The following DDX59 variants were observed in gnomAD, a reference collection of about 807,000 sequenced individuals.
DDX59 encodes the protein DEAD-box helicase 59.
In DDX59, 30 loss-of-function variants were observed where a neutral mutation model predicts 51.9. The observed-to-expected ratio is 0.58, with a 90% CI of 0.43 to 0.78. The LOEUF is 0.78. DDX59 is among the 30% of genes least tolerant of loss of function. The pLI is 0.00. For synonymous variants in DDX59, 255 were observed against 253.3 expected, an observed-to-expected ratio of 1.01 and a Z score of -0.06; for missense variants, 672 against 730.8, an observed-to-expected ratio of 0.92 and a Z score of 0.93.
At chr1:200,669,067 T>C (rs531653311) in intron 1 of DDX59, among the ~76,000 whole-genome samples, 1 of 152,350 alleles carries the variant, frequency 6.6e-6, no homozygotes, top group African/African-American at 2.4e-5. Flanking sequence ...CCATGGTCAC[T>C]TGAATCTGGC....
chr1:200,664,976 T>G (rs1029175642), intron 2 of DDX59, among the ~76,000 whole-genome samples: 54 of 152,270 alleles, frequency 3.5e-4, no homozygotes, highest in African/African-American at 1.2e-3. Flanking sequence ...TGCCCCGCCT[T>G]CCCCACATTT....
chr1:200,648,987 T>G (rs903854058), intron 6 of DDX59, 87 bp downstream of exon 6: 2 of 1,334,932 alleles, frequency 1.5e-6, no homozygotes, highest in African/African-American at 1.5e-5. Flanking sequence ...GGATCTGTTA[T>G]AAAAACCAGC....
chr1:200,662,643 A>G (rs1662451262), intron 3 of DDX59, among the ~76,000 whole-genome samples: 1 of 152,196 alleles, frequency 6.6e-6, no homozygotes, highest in East Asian at 1.9e-4. Context: ...GCAACTAGAG[A>G]CTAACACCAA....
intron 5 of DDX59, among the ~76,000 whole-genome samples, chr1:200,649,793 T>A (rs1661535703): frequency 6.6e-6 from 1 of 152,068 alleles, no homozygotes; most frequent in Non-Finnish European, 1.5e-5. Flanking sequence ...GCGATTAATG[T>A]AGCTCTACAT....
intron 4 of DDX59, among the ~76,000 whole-genome samples, chr1:200,655,765 T>C (rs1002919474): frequency 1.3e-5 from 2 of 152,106 alleles, no homozygotes; most frequent in Non-Finnish European, 2.9e-5. Context: ...GCAGTGCTAA[T>C]ATATTTACTC....
downstream of DDX59, among the ~76,000 whole-genome samples, chr1:200,643,661 AAAAC>A (rs1269173339): frequency 6.6e-6 from 1 of 152,106 alleles, no homozygotes; most frequent in East Asian, 1.9e-4. Context: ...AACAAAAACA[AAAAC>A]AAACAAAAAA....
intron 7 of DDX59, among the ~76,000 whole-genome samples, chr1:200,645,857 C>T (rs1661263524): frequency 1.3e-5 from 2 of 152,112 alleles, no homozygotes; most frequent in Admixed American, 1.3e-4. Context: ...GGGAATGAGA[C>T]AGAGGAGAAG....
chr1:200,655,389 C>A (rs988614780), intron 4 of DDX59, among the ~76,000 whole-genome samples: 1 of 152,150 alleles, frequency 6.6e-6, no homozygotes, highest in Non-Finnish European at 1.5e-5. Context: ...GGATTGCTGG[C>A]TGCTCTTAGA....
At chr1:200,668,958 G>C (rs553841096) in intron 1 of DDX59, among the ~76,000 whole-genome samples, 1 of 152,286 alleles carries the variant, frequency 6.6e-6, no homozygotes, top group South Asian at 2.1e-4. Flanking sequence ...TTTCTTAAAT[G>C]TATTTGATGT....
At position 200,666,291 on chromosome 1, in the gene DDX59, A is replaced by C. The variant is rs377179367; in HGVS notation, c.450T>G (p.Asn150Lys). The stretch of plus-strand genomic sequence containing the variant: ...CTGGCTCAGAATCAGCCTTCTGTGG[A>C]TTGCTGAGTTTTGATTTCTCTTCCT... Reference protein sequence around the residue: ...KEKEEKSKLSNPQKADSEPES... With the variant: ...KEKEEKSKLSKPQKADSEPES... The change falls in exon 2 of 8, where the codon AAT becomes AAG. Residue 150 changes from asparagine to lysine, a missense_variant. Physicochemically the swap from Asn to Lys is moderately conservative, Grantham distance 94. Transcript: ENST00000331314. 75 of 1,614,164 alleles carry C rather than the reference A, an allele frequency of 4.6e-5. No individual in the cohort carries two copies. The highest frequency in any genetic ancestry group is 6.1e-5 in the Non-Finnish European group (72 of 1,180,042).
intron 1 of DDX59, among the ~76,000 whole-genome samples, chr1:200,668,022 G>C (rs544150578): frequency 2.0e-5 from 3 of 152,154 alleles, no homozygotes. Context: ...GTTTGGGCTG[G>C]GCGCAGTGGC....
intron 4 of DDX59, chr1:200,654,327 G>A (rs1300373631): frequency 6.6e-6 from 1 of 152,124 alleles, no homozygotes; most frequent in African/African-American, 2.4e-5. Flanking sequence ...GCAGGAGAAT[G>A]GCATGAACCC....
At chr1:200,644,740 C>T (rs570840085) in intron 7 of DDX59, among the ~76,000 whole-genome samples, 2 of 151,998 alleles carry the variant, frequency 1.3e-5, no homozygotes, top group East Asian at 3.9e-4. Context: ...ACTAAAAACA[C>T]AAAAATTAGC....
At chr1:200,645,679 G>C (rs1400576063) in intron 7 of DDX59, among the ~76,000 whole-genome samples, 1 of 152,198 alleles carries the variant, frequency 6.6e-6, no homozygotes, top group Non-Finnish European at 1.5e-5. Flanking sequence ...CTCTTCAAAA[G>C]AGGGGGAAAA....
intron 7 of DDX59, 26 bp downstream of exon 7, chr1:200,648,413 T>C: frequency 1.9e-6 from 3 of 1,609,852 alleles, no homozygotes; most frequent in South Asian, 1.1e-5. Flanking sequence ...GTGAACAAAA[T>C]AGTGGTAACA....
Position 200,649,243 on chromosome 1 carries a change from A to G in DDX59, c.1315-17T>C. 1 of 1,553,248 alleles carries G rather than the reference A, an allele frequency of 6.4e-7. No homozygotes were observed. Among genetic ancestry groups the G allele is most frequent in the Non-Finnish European group, 8.6e-7 (1 of 1,156,208 alleles). On this transcript the variant is annotated splice_polypyrimidine_tract_variant and intron_variant, in intron 5 of 7. Transcript: ENST00000331314. ...TTTCTTATCCTGAAAAATTAAAAAC[A>G]TATATCAAAAATTATTCATATAAAA... is the stretch of plus-strand genomic sequence containing the variant.
Position 200,666,148 on chromosome 1 carries a change from A to C in DDX59, c.593T>G (p.Val198Gly). The C allele has an allele frequency of 6.2e-7, 1 of 1,614,180 alleles. No individual in the cohort carries two copies. The highest frequency in any genetic ancestry group is 8.5e-7 in the Non-Finnish European group (1 of 1,180,032). ...TTCAAAGTCAATAATGGGCCTGGTGACTTCTTGCCCTTGAACTAAAATTCC... is the reference window on the plus strand; with the variant it reads ...TTCAAAGTCAATAATGGGCCTGGTGCCTTCTTGCCCTTGAACTAAAATTCC... ...QLGILVQGQE[V>G]TRPIIDFEHC... Residue 198 changes from valine to glycine, a missense_variant, in exon 2 of 8, where the codon GTC becomes GGC. Coordinates refer to ENST00000331314, the MANE Select transcript of DDX59 (RefSeq NM_001031725.6).
Position 200,644,224 on chromosome 1 carries a change from T to TAA in DDX59, c.*28_*29dup. ...ATAATTTTTTGCTGACTATATACAA[T>TAA]AAAAAAAAATATTCAAGTGGCAGAG... On this transcript the variant is annotated 3_prime_UTR_variant, in exon 8 of 8. Transcript: ENST00000331314. The TAA allele has an allele frequency of 1.4e-6, 2 of 1,443,654 alleles. No individual in the cohort carries two copies. Among genetic ancestry groups the TAA allele is most frequent in the Non-Finnish European group, 1.8e-6 (2 of 1,086,866 alleles). The allele number at this position is 1,443,654 out of a possible 1,614,324, so 89.4% of individuals were successfully genotyped here. A position where few individuals can be genotyped will look rare whatever the true frequency, so the allele number is the denominator to read the frequency against.
At chr1:200,642,338 G>A (rs1339477411), downstream of DDX59, among the ~76,000 whole-genome samples, 3 of 152,102 alleles carry the variant, frequency 2.0e-5, no homozygotes, top group South Asian at 4.2e-4. Flanking sequence ...TCCTTTCTGG[G>A]GAAGGATGGT....
Sources: allele counts gnomAD v4.1 joint callset (sites outside exome capture counted in the v4.1 genomes callset), GRCh38; gene constraint gnomAD v4.1.1; transcripts MANE v1.5; gene names NCBI Gene and HGNC (gene_info 2026-07-23, HGNC 2026-07-21).